The following AEBP2 variants were observed in gnomAD, a reference collection of about 807,000 sequenced individuals.
The protein encoded by AEBP2 is AE binding protein 2, also known as zinc finger protein AEBP2.
AEBP2 carries 10 observed loss-of-function variants against 50.8 expected under a neutral mutation model. The observed-to-expected ratio is 0.20, with a 90% CI of 0.12 to 0.33. The LOEUF (loss-of-function observed/expected upper bound fraction) is 0.33, where lower values mean the gene tolerates loss of function less well. AEBP2 is among the 10% of genes least tolerant of loss of function. The pLI, the probability that AEBP2 is intolerant of heterozygous loss-of-function variation, is 1.00. For missense variants in AEBP2, 570 were observed against 688.0 expected (o/e 0.83, Z 1.92); for synonymous variants, 296 against 261.3 (o/e 1.13, Z -1.28).
At chr12:19,466,583 A>G (rs943229847) in intron 2 of AEBP2, among the ~76,000 whole-genome samples, 8 of 152,310 alleles carry the variant, frequency 5.3e-5, no homozygotes, top group East Asian at 1.9e-4. Flanking sequence ...ATCTATACCC[A>G]TTAAACAAAC....
At chr12:19,487,130 A>G (rs571873344) in intron 3 of AEBP2, among the ~76,000 whole-genome samples, 1 of 152,204 alleles carries the variant, frequency 6.6e-6, no homozygotes, top group South Asian at 2.1e-4. Flanking sequence ...TTTGTCTTTT[A>G]TTATTGAGTT....
chr12:19,497,625 A>G (rs1190598204), intron 4 of AEBP2, among the ~76,000 whole-genome samples: 1 of 151,898 alleles, frequency 6.6e-6, no homozygotes, highest in Non-Finnish European at 1.5e-5. Context: ...GGCACACACT[A>G]CCATGCCGGG....
In AEBP2 at chr12:19,429,410, C is replaced by T. The variant is rs2095750269; in HGVS notation, c.-17+25194C>T. On this transcript the variant is annotated intron_variant, in intron 1 of 3. Coordinates refer to the AEBP2 transcript ENST00000538425. ...CATTTGGGTTGGTTCCAAGTCTTTG[C>T]TATTGTGAATAGTGCCGCAATAAAC... 3.3e-5 allele frequency among the ~76,000 whole-genome samples: 5 copies of T among 152,140 alleles called. No individual in the cohort carries two copies. In the South Asian group the frequency reaches 1.0e-3, roughly 32 times the overall value.
intron 4 of AEBP2, among the ~76,000 whole-genome samples, chr12:19,497,514 C>T (rs530844535): frequency 5.3e-5 from 8 of 151,790 alleles, no homozygotes; most frequent in South Asian, 4.2e-4. Flanking sequence ...ACTTTGTTGC[C>T]GAGGCTGGAG....
chr12:19,521,220 C>A lies in AEBP2; in HGVS notation c.*3103C>A, dbSNP rs74064132. On this transcript the variant is annotated 3_prime_UTR_variant, in exon 8 of 8. Transcript: ENST00000266508. ...ACATAAACTTAGACCACACAACTTG[C>A]ATTTTAATATGACAATGTTGATCTT... is the stretch of plus-strand genomic sequence containing the variant. 9.9e-5 allele frequency: 15 copies of A among 152,266 alleles called. No individual in the cohort carries two copies. Among genetic ancestry groups the A allele is most frequent in the African/African-American group, 2.9e-4 (12 of 41,546 alleles). The allele number at this position is 152,266 out of a possible 1,614,324, so 9.4% of individuals were successfully genotyped here. A position where few individuals can be genotyped will look rare whatever the true frequency, so the allele number is the denominator to read the frequency against.
intron 7 of AEBP2, among the ~76,000 whole-genome samples, chr12:19,517,686 T>C (rs556100330): frequency 6.6e-6 from 1 of 152,346 alleles, no homozygotes; most frequent in East Asian, 1.9e-4. Flanking sequence ...TTTGTTGTTT[T>C]TGAGACCACT....
rs988122224 is a variant in AEBP2, at chr12:19,492,360, A to G, written c.988-1440A>G. Among the ~76,000 whole-genome samples the G allele has an allele frequency of 7.2e-5, 11 of 152,300 alleles. 1 individual carries two copies. Among genetic ancestry groups the G allele is most frequent in the Middle Eastern group, 6.8e-3 (2 of 294 alleles). On this transcript the variant is annotated intron_variant, in intron 3 of 7. Coordinates refer to ENST00000266508, the MANE Select transcript of AEBP2 (RefSeq NM_153207.5). ...ATATATTAATTCTGGTGCTACCTGA[A>G]CATTCTGCATTCTTTGTTAAAATAG...
In AEBP2 at chr12:19,497,768, T is replaced by A. The variant is rs1202924242; in HGVS notation, c.1175-2329T>A. Reference sequence around the variant, plus strand: ...GGGATTACAGGCATGAGCCGCTGTGTCCAGCACCAAAGGTTTTTGATTATA... The same window carrying A: ...GGGATTACAGGCATGAGCCGCTGTGACCAGCACCAAAGGTTTTTGATTATA... On this transcript the variant is annotated intron_variant, in intron 4 of 7. Transcript: ENST00000266508. Among the ~76,000 whole-genome samples the A allele has an allele frequency of 5.3e-5, 8 of 152,294 alleles. No individual in the cohort carries two copies. The East Asian group carries it at 1.5e-3, about 29-fold the overall frequency.
In AEBP2 at chr12:19,431,960, G is replaced by A. The variant is rs117793082; in HGVS notation, c.-17+27744G>A. Among the ~76,000 whole-genome samples, 445 of 152,216 alleles carry A rather than the reference G, an allele frequency of 2.9e-3. 8 individuals are homozygous for A. In the East Asian group the frequency reaches 0.044, roughly 15 times the overall value. On this transcript the variant is annotated intron_variant, in intron 1 of 3. Transcript: ENST00000538425. Reference sequence around the variant, plus strand: ...ATTTTAGAGAATTTTTCAGAAGTATGTCATTTGTAGTATAGTAGGAATCTC... The same window carrying A: ...ATTTTAGAGAATTTTTCAGAAGTATATCATTTGTAGTATAGTAGGAATCTC...
intron 1 of AEBP2, among the ~76,000 whole-genome samples, chr12:19,409,581 G>A (rs2095738205): frequency 6.6e-6 from 1 of 152,158 alleles, no homozygotes; most frequent in African/African-American, 2.4e-5. Context: ...GGACTGCCAA[G>A]TTCACCAGCC....
intron 3 of AEBP2, among the ~76,000 whole-genome samples, chr12:19,478,249 T>C (rs1312510911): frequency 6.6e-6 from 1 of 152,254 alleles, no homozygotes; most frequent in Non-Finnish European, 1.5e-5. Flanking sequence ...TTCTTGTTTC[T>C]CTAGTTCCTT....
At chr12:19,479,935 A>G (rs529723615) in intron 3 of AEBP2, among the ~76,000 whole-genome samples, 3 of 151,734 alleles carry the variant, frequency 2.0e-5, no homozygotes, top group Admixed American at 2.0e-4. Flanking sequence ...CCATTTTCCC[A>G]TTCCATACCT....
At chr12:19,411,222 C>T (rs11044536) in intron 1 of AEBP2, among the ~76,000 whole-genome samples, 3,410 of 152,308 alleles carry the variant, frequency 0.022, 46 homozygotes, top group East Asian at 0.042. Flanking sequence ...GTAAAACAAA[C>T]AAATTAGCCT....
intron 6 of AEBP2, among the ~76,000 whole-genome samples, chr12:19,512,742 G>A (rs1949253746): frequency 6.6e-6 from 1 of 151,764 alleles, no homozygotes; most frequent in African/African-American, 2.4e-5. Flanking sequence ...GAGGCCGGCA[G>A]TTCGAGACCA....
rs545370993 is a variant in AEBP2 at position 19,491,847 on chromosome 12, G to C, written c.988-1953G>C. ...TACATCTCTGTGTTCAAAATGGAAA[G>C]TGTGAGTTGACATAGATATGCAGTG... On this transcript the variant is annotated intron_variant, in intron 3 of 7. Coordinates refer to ENST00000266508, the MANE Select transcript of AEBP2 (RefSeq NM_153207.5). Among the ~76,000 whole-genome samples, 25 of 152,164 alleles carry C rather than the reference G, an allele frequency of 1.6e-4. No individual in the cohort carries two copies. The South Asian group carries it at 5.2e-3, about 32-fold the overall frequency.
chr12:19,458,394 T>C (rs1485969871), intron 1 of AEBP2, among the ~76,000 whole-genome samples: 1 of 152,320 alleles, frequency 6.6e-6, no homozygotes, highest in East Asian at 1.9e-4. Context: ...GGGGAGACTC[T>C]GTGTGGGATG....
chr12:19,481,802 A>G (rs1479848101), intron 3 of AEBP2, among the ~76,000 whole-genome samples: 1 of 152,060 alleles, frequency 6.6e-6, no homozygotes, highest in Admixed American at 6.6e-5. Context: ...CTGTTTCTCT[A>G]AGTGTGACTT....
chr12:19,492,637 G>A (rs975390100), intron 3 of AEBP2, among the ~76,000 whole-genome samples: 1 of 151,548 alleles, frequency 6.6e-6, no homozygotes, highest in Non-Finnish European at 1.5e-5. Context: ...AATGTAGTCC[G>A]TATGGGTTTT....
intron 2 of AEBP2, among the ~76,000 whole-genome samples, chr12:19,464,996 G>T (rs866041591): frequency 2.0e-5 from 3 of 152,066 alleles, no homozygotes; most frequent in African/African-American, 7.2e-5. Flanking sequence ...CATTTGTCCC[G>T]TAAGTGTAAT....
Sources: allele counts gnomAD v4.1 joint callset (sites outside exome capture counted in the v4.1 genomes callset), GRCh38; gene constraint gnomAD v4.1.1; transcripts MANE v1.5; gene names NCBI Gene and HGNC (gene_info 2026-07-23, HGNC 2026-07-21).